The following HCN2 variants were observed in gnomAD, a reference collection of about 807,000 sequenced individuals.
HCN2 encodes the protein potassium/sodium hyperpolarization-activated cyclic nucleotide-gated channel 2.
HCN2 carries 20 observed loss-of-function variants against 52.3 expected under a neutral mutation model. The observed-to-expected ratio is 0.38, with a 90% CI of 0.27 to 0.56. The LOEUF is 0.56. Among genes scored for constraint, HCN2 ranks in the 20% least tolerant of loss-of-function variants. The pLI is 0.71. For synonymous variants in HCN2, 694 were observed against 537.0 expected (o/e 1.29, Z -4.04); for missense variants, 981 against 1,207.7 (o/e 0.81, Z 2.78).
chr19:598,078 C>G (rs761422010), intron 1 of HCN2, among the ~76,000 whole-genome samples: 4 of 152,180 alleles, frequency 2.6e-5, no homozygotes, highest in African/African-American at 9.6e-5. Flanking sequence ...TGAGCCCCCT[C>G]GGGGCTGAGG....
chr19:593,057 TGA>T (rs1339422531), intron 1 of HCN2, among the ~76,000 whole-genome samples: 1 of 152,172 alleles, frequency 6.6e-6, no homozygotes, highest in African/African-American at 2.4e-5. Context: ...CCCTTCCTGC[TGA>T]GAGAGTGCTG....
At chr19:613,666 GAT>G (rs1983759876) in intron 6 of HCN2, among the ~76,000 whole-genome samples, 178 bp downstream of exon 6, 1 of 90,632 alleles carries the variant, frequency 1.1e-5, no homozygotes. Context: ...TGGGGCCGGG[GAT>G]GGGGATGGGG....
In HCN2 at chr19:613,898, T is replaced by G; in HGVS notation, c.1872T>G (p.Ala624=). 6.3e-7 allele frequency: 1 copy of G among 1,596,996 alleles called. No individual in the cohort carries two copies. Residue 624 remains alanine, a synonymous_variant, in exon 7 of 8, where the codon GCT becomes GCG. Coordinates refer to ENST00000251287, the MANE Select transcript of HCN2 (RefSeq NM_001194.4). ...TRGRRTASVR[A]DTYCRLYSLS... ...GCCGCCGCACGGCGAGCGTGCGGGC[T>G]GACACCTACTGCCGCCTCTATTCGC... is the stretch of plus-strand genomic sequence containing the variant.
In HCN2 at chr19:592,251, G is replaced by A. The variant is rs570184814; in HGVS notation, c.632+1674G>A. Among the ~76,000 whole-genome samples the A allele has an allele frequency of 1.5e-4, 23 of 152,318 alleles. No homozygotes were observed. The highest frequency in any genetic ancestry group is 4.8e-4 in the African/African-American group (20 of 41,578). On this transcript the variant is annotated intron_variant, in intron 1 of 7. Transcript: ENST00000251287. The surrounding 1 kb of genome is among the most constrained non-coding windows in gnomAD (Gnocchi z 4.8). ...CTCCGTCCCCTCCAGCATGACCTTC[G>A]ACAGAGATGGGTGCACCGCAGCGTG...
chr19:610,618 C>T (rs922524676), intron 5 of HCN2, among the ~76,000 whole-genome samples: 27 of 152,196 alleles, frequency 1.8e-4, no homozygotes, highest in Non-Finnish European at 3.4e-4. Context: ...TTCCCGCTGC[C>T]CCCTTAGCAG....
At chr19:607,269 G>A (rs549575628) in intron 3 of HCN2, among the ~76,000 whole-genome samples, 3 of 152,230 alleles carry the variant, frequency 2.0e-5, no homozygotes, top group Non-Finnish European at 2.9e-5. Context: ...GGGAGCCCTC[G>A]GCCGCTACAG....
Position 591,659 on chromosome 19 carries a change from A to C in HCN2, c.632+1082A>C, listed in dbSNP as rs1178807433. Among the ~76,000 whole-genome samples the C allele has an allele frequency of 6.6e-6, 1 of 151,886 alleles. No homozygotes were observed. Among genetic ancestry groups the C allele is most frequent in the East Asian group, 1.9e-4 (1 of 5,156 alleles). On this transcript the variant is annotated intron_variant, in intron 1 of 7. Coordinates refer to ENST00000251287, the MANE Select transcript of HCN2 (RefSeq NM_001194.4). This position sits in a 1 kb window ranked among gnomAD's most constrained non-coding sequence, Gnocchi z 4.1. ...GGGCTAGCGAGGCCGGGCGCGCGGGACGGGCGCGGTTTCAGCACCACGGAC... is the reference window on the plus strand; with the variant it reads ...GGGCTAGCGAGGCCGGGCGCGCGGGCCGGGCGCGGTTTCAGCACCACGGAC...
At chr19:602,942 AGGCGCCTGGGGGG>A (rs1454791743) in intron 1 of HCN2, among the ~76,000 whole-genome samples, 4 of 67,240 alleles carry the variant, frequency 5.9e-5, no homozygotes, top group African/African-American at 3.1e-4. Context: ...CTTGTCCTGC[AGGCGCCTGGGGGG>A]AAGGCACCGG....
chr19:594,322 G>A (rs1600516254), intron 1 of HCN2, among the ~76,000 whole-genome samples: 1 of 152,172 alleles, frequency 6.6e-6, no homozygotes, highest in Non-Finnish European at 1.5e-5. Flanking sequence ...GTGTCGGGTG[G>A]AGAGAGGCTG....
At chr19:611,115 C>T (rs1001940288) in intron 5 of HCN2, among the ~76,000 whole-genome samples, 1 of 152,230 alleles carries the variant, frequency 6.6e-6, no homozygotes, top group African/African-American at 2.4e-5. Context: ...CTCGCCTTAA[C>T]TGGGCCATGT....
At chr19:595,517 G>A (rs964294407) in intron 1 of HCN2, among the ~76,000 whole-genome samples, 6 of 152,146 alleles carry the variant, frequency 3.9e-5, no homozygotes, top group South Asian at 2.1e-4. Context: ...ATCAACCTCC[G>A]CACCTGCTGC....
intron 3 of HCN2, among the ~76,000 whole-genome samples, chr19:607,733 C>T (rs1248924610): frequency 6.6e-6 from 1 of 152,234 alleles, no homozygotes; most frequent in African/African-American, 2.4e-5. Flanking sequence ...CTCAGTTTCC[C>T]CAGGAGTGAA....
At chr19:613,220 CG>C (rs1568368308) in intron 5 of HCN2, 27 bp from the exon 6 acceptor site, 2 of 1,591,006 alleles carry the variant, frequency 1.3e-6, no homozygotes, top group Admixed American at 3.5e-5. Flanking sequence ...GGGTCCGCAG[CG>C]GACCCAGCCC....
rs924146975 is a variant in HCN2, at chr19:590,275, C to G, written c.330C>G (p.Ser110Arg). ...GECGRGEPQC[S>R]PAGPEGPARG... The stretch of plus-strand genomic sequence containing the variant: ...GCGGGCGCGGCGAGCCGCAGTGCAG[C>G]CCCGCGGGGCCCGAGGGCCCGGCGC... Residue 110 changes from serine (S) to arginine (R), a missense_variant, in exon 1 of 8, where the codon AGC becomes AGG. Coordinates refer to ENST00000251287, the MANE Select transcript of HCN2 (RefSeq NM_001194.4). The surrounding 1 kb of genome is among the most constrained non-coding windows in gnomAD (Gnocchi z 7.2). The G allele has an allele frequency of 3.0e-6, 3 of 987,020 alleles. No individual in the cohort carries two copies. The African/African-American group carries it at 5.3e-5, about 18-fold the overall frequency. The allele number at this position is 987,020 out of a possible 1,614,324, so 61.1% of individuals were successfully genotyped here. A position where few individuals can be genotyped will look rare whatever the true frequency, so the allele number is the denominator to read the frequency against.
rs1349640336 is a variant in HCN2, at chr19:613,705, G to A, written c.1826-147G>A. On this transcript the variant is annotated intron_variant, in intron 6 of 7. Coordinates refer to ENST00000251287, the MANE Select transcript of HCN2 (RefSeq NM_001194.4). ...CGGGGATGGGGCCGGGGATGGGGCC[G>A]GGGATGGGGCCGGGGCCGGCACCAG... The A allele has an allele frequency of 7.9e-6, 6 of 759,950 alleles. 1 individual carries two copies. The highest frequency in any genetic ancestry group is 2.9e-5 in the South Asian group (1 of 34,212). 47.1% of individuals were successfully genotyped at this position (759,950 alleles called of 1,614,324 possible). A position where few individuals can be genotyped will look rare whatever the true frequency, so the allele number is the denominator to read the frequency against.
chr19:614,039 C>T (rs773291345), intron 7 of HCN2, 23 bp downstream of exon 7: 36 of 1,332,372 alleles, frequency 2.7e-5, no homozygotes, highest in East Asian at 7.8e-5. Flanking sequence ...GGGGCGTGGC[C>T]GGGGCGGGTG....
chr19:616,157 G>A lies in HCN2; in HGVS notation c.2353G>A (p.Ala785Thr), dbSNP rs1476128390. ...PPPASPPGAP[A>T]SPRAPRTSPY... ...CCCCGCCAGCCCCCCGGGCGCGCCC[G>A]CCAGCCCCCGGGCACCGCGGACCTC... The change falls in exon 8 of 8, where the codon GCC (alanine) becomes ACC (threonine). Residue 785 changes from alanine to threonine, a missense_variant. Ala to Thr is a moderately conservative substitution (Grantham distance 58). Around this residue, in one of 6 missense-constraint regions of HCN2, gnomAD observed 368 missense variants for 314.8 expected, o/e 1.17. Transcript: ENST00000251287. 4.1e-5 allele frequency: 27 copies of A among 665,132 alleles called. No individual in the cohort carries two copies. Among genetic ancestry groups the A allele is most frequent in the African/African-American group, 1.2e-4 (4 of 33,012 alleles). 41.2% of individuals were successfully genotyped at this position (665,132 alleles called of 1,614,324 possible).
chr19:614,077 G>GGGTGGGTGCC lies in HCN2; in HGVS notation c.1990+61_1990+62insGGTGGGTGCC. The GGGTGGGTGCC allele has an allele frequency of 6.2e-6, 8 of 1,280,902 alleles. No homozygotes were observed. In the African/African-American group the frequency reaches 1.1e-4, roughly 18 times the overall value. The allele number at this position is 1,280,902 out of a possible 1,614,324, so 79.3% of individuals were successfully genotyped here. ...CTGGCGGGGGAGGGGCGTGGCCAAG[G>GGGTGGGTGCC]CATCAGGAGAGTGGCTTGGACAGTG... On this transcript the variant is annotated intron_variant, in intron 7 of 7. Coordinates refer to ENST00000251287, the MANE Select transcript of HCN2 (RefSeq NM_001194.4).
Position 613,497 on chromosome 19 carries a change from G to C in HCN2, c.1825+9G>C. ...TGGCTCCTACTTCGGGGGTGAGCTT[G>C]AGGGGGGCGCGCCTGGAGGGGGAGG... On this transcript the variant is annotated intron_variant, in intron 6 of 7. Coordinates refer to ENST00000251287, the MANE Select transcript of HCN2 (RefSeq NM_001194.4). The C allele has an allele frequency of 6.3e-7, 1 of 1,584,160 alleles. No individual in the cohort carries two copies. The highest frequency in any genetic ancestry group is 2.2e-5 in the East Asian group (1 of 44,500).
Sources: gnomAD v4.1 joint callset for allele counts (sites outside exome capture counted in the v4.1 genomes callset) on GRCh38, gnomAD v4.1.1 for gene constraint, gnomAD v4.1.1 regional missense constraint, Gnocchi (gnomAD v3.1) non-coding constraint, MANE v1.5 for transcripts, NCBI Gene and HGNC (gene_info 2026-07-23, HGNC 2026-07-21) for gene names.